The following NYAP2 variants were observed in gnomAD, a reference collection of about 807,000 sequenced individuals.
NYAP2 encodes the protein neuronal tyrosine-phosphorylated phosphoinositide-3-kinase adaptor 2, also known as neuronal tyrosine-phosphorylated phosphoinositide-3-kinase adapter 2.
NYAP2 carries 23 observed loss-of-function variants against 50.4 expected under a neutral mutation model. The ratio of observed to expected loss-of-function variants is 0.46; its 90% CI spans 0.33 to 0.65. The LOEUF (loss-of-function observed/expected upper bound fraction) is 0.65, where lower values mean the gene tolerates loss of function less well. Ranked by LOEUF, NYAP2 falls within the 30% of genes least tolerant of loss-of-function variation. The probability of loss-of-function intolerance (pLI) is 0.02; values close to 1 mark genes in which losing one functional copy is unlikely to be tolerated. For synonymous variants in NYAP2, 394 were observed against 365.2 expected (o/e 1.08, Z -0.90); for missense variants, 885 against 861.0 (o/e 1.03, Z -0.35).
intron 3 of NYAP2, among the ~76,000 whole-genome samples, chr2:225,423,928 T>C (rs902084512): frequency 2.6e-5 from 4 of 152,118 alleles, no homozygotes; most frequent in Non-Finnish European, 5.9e-5. Context: ...GTATTATCAG[T>C]GATGGAAATA....
intron 3 of NYAP2, among the ~76,000 whole-genome samples, chr2:225,456,188 G>T (rs547042850): frequency 6.6e-6 from 1 of 152,318 alleles, no homozygotes; most frequent in Non-Finnish European, 1.5e-5. Flanking sequence ...TTTTTAAAAA[G>T]CTCTGAGACA....
intron 3 of NYAP2, among the ~76,000 whole-genome samples, chr2:225,448,489 A>G (rs933083977): frequency 6.6e-6 from 1 of 152,226 alleles, no homozygotes; most frequent in African/African-American, 2.4e-5. Flanking sequence ...TATTAATTTA[A>G]AAAGAAGTAT....
Position 225,403,655 on chromosome 2 carries a change from T to C in NYAP2, c.-18+2612T>C, listed in dbSNP as rs370207120. ...AACAGAGGTGTCACAACTTTATATC[T>C]TGGAAAATAAAAGTTTCAGATGGAG... On this transcript the variant is annotated intron_variant, in intron 2 of 6. Transcript: ENST00000636099. Among the ~76,000 whole-genome samples, 27 of 152,022 alleles carry C rather than the reference T, an allele frequency of 1.8e-4. No individual in the cohort carries two copies. The East Asian group carries it at 3.5e-3, about 20-fold the overall frequency.
At chr2:225,414,144 C>T (rs1368503512) in intron 3 of NYAP2, among the ~76,000 whole-genome samples, 6 of 152,206 alleles carry the variant, frequency 3.9e-5, no homozygotes, top group South Asian at 2.1e-4. Flanking sequence ...TTTCAACTAA[C>T]TTGAGCACCT....
At chr2:225,489,792 T>C (rs761256665) in intron 3 of NYAP2, among the ~76,000 whole-genome samples, 12 of 152,120 alleles carry the variant, frequency 7.9e-5, no homozygotes, top group Non-Finnish European at 1.5e-4. Context: ...CCCTTGAGAA[T>C]TGTCTAAACA....
intron 5 of NYAP2, among the ~76,000 whole-genome samples, chr2:225,587,351 T>TAA (rs1486362362): frequency 1.3e-5 from 2 of 151,914 alleles, no homozygotes; most frequent in East Asian, 3.9e-4. Context: ...AAATGTAAAT[T>TAA]AAAAATGTAA....
chr2:225,511,920 C>T (rs908622292), intron 3 of NYAP2, among the ~76,000 whole-genome samples: 2 of 152,118 alleles, frequency 1.3e-5, no homozygotes, highest in Non-Finnish European at 2.9e-5. Context: ...CAGCAAGCTT[C>T]CAAACTTCAT....
chr2:225,628,952 G>C (rs1693263629), intron 6 of NYAP2, among the ~76,000 whole-genome samples: 1 of 152,138 alleles, frequency 6.6e-6, no homozygotes, highest in South Asian at 2.1e-4. Flanking sequence ...GCAGTATACT[G>C]TGTGTTTCAG....
intron 4 of NYAP2, among the ~76,000 whole-genome samples, chr2:225,544,678 A>G (rs1054520089): frequency 6.6e-6 from 1 of 152,044 alleles, no homozygotes; most frequent in Non-Finnish European, 1.5e-5. Flanking sequence ...TGATGGGTTC[A>G]TTATTTAGCC....
At chr2:225,516,995 G>A (rs1690946463) in intron 4 of NYAP2, among the ~76,000 whole-genome samples, 2 of 151,794 alleles carry the variant, frequency 1.3e-5, no homozygotes. Flanking sequence ...CTTCCCTGTG[G>A]ATAAAAGTAA....
At chr2:225,612,826 C>CACACCCAATGTGTGTGATGACATA (rs1692921717) in intron 5 of NYAP2, among the ~76,000 whole-genome samples, 1 of 152,104 alleles carries the variant, frequency 6.6e-6, no homozygotes, top group Non-Finnish European at 1.5e-5. Context: ...GTGATGACAT[C>CACACCCAATGTGTGTGATGACATA]ACACCCAATG....
At chr2:225,665,876 C>T in the NYAP2 span, among the ~76,000 whole-genome samples, 2 of 125,042 alleles carry the variant, frequency 1.6e-5, no homozygotes, top group South Asian at 2.7e-4. Context: ...GTGAGGCAAA[C>T]GAGGTGGCCT....
At chr2:225,480,054 A>G (rs1190711202) in intron 3 of NYAP2, among the ~76,000 whole-genome samples, 1 of 152,116 alleles carries the variant, frequency 6.6e-6, no homozygotes, top group African/African-American at 2.4e-5. Flanking sequence ...CAAAGTATGT[A>G]TTACTTTCTA....
chr2:225,666,840 C>A, the NYAP2 span, among the ~76,000 whole-genome samples: 30 of 144,110 alleles, frequency 2.1e-4, no homozygotes, highest in African/African-American at 7.0e-4. Context: ...ATATTCCCCC[C>A]CCTCCATGCC....
the NYAP2 span, among the ~76,000 whole-genome samples, chr2:225,666,837 C>T: frequency 1.4e-5 from 2 of 143,854 alleles, no homozygotes; most frequent in Non-Finnish European, 3.0e-5. Flanking sequence ...TACATATTCC[C>T]CCCCCTCCAT....
At chr2:225,429,417 G>A (rs966046861) in intron 3 of NYAP2, among the ~76,000 whole-genome samples, 11 of 152,206 alleles carry the variant, frequency 7.2e-5, no homozygotes, top group Non-Finnish European at 1.3e-4. Flanking sequence ...CCGTAATAGT[G>A]TCTTCAGATT....
intron 3 of NYAP2, among the ~76,000 whole-genome samples, chr2:225,495,218 T>C (rs942602966): frequency 6.6e-6 from 1 of 152,150 alleles, no homozygotes; most frequent in Non-Finnish European, 1.5e-5. Flanking sequence ...CCCAAGACTT[T>C]TACTTTATTT....
intron 5 of NYAP2, among the ~76,000 whole-genome samples, chr2:225,595,961 TC>T (rs1310235020): frequency 1.2e-4 from 19 of 152,294 alleles, no homozygotes; most frequent in Admixed American, 1.2e-3. Flanking sequence ...ATTTTTCCTC[TC>T]CTGATTCTTT....
chr2:225,534,082 C>G (rs931591919), intron 4 of NYAP2, among the ~76,000 whole-genome samples: 2 of 151,848 alleles, frequency 1.3e-5, no homozygotes, highest in African/African-American at 4.8e-5. Flanking sequence ...AAAAAACAAC[C>G]GAATAAGGAT....
Sources: gnomAD v4.1 joint callset for allele counts (sites outside exome capture counted in the v4.1 genomes callset) on GRCh38, gnomAD v4.1.1 for gene constraint, MANE v1.5 for transcripts, NCBI Gene and HGNC (gene_info 2026-07-23, HGNC 2026-07-21) for gene names.